Variants in CCDC148 observed in about 807,000 individuals in gnomAD.
CCDC148 encodes coiled-coil domain-containing protein 148.
Under a neutral mutation model 85.7 loss-of-function variants are expected in CCDC148, and 89 were observed. That is an observed-to-expected ratio of 1.04 (90% CI 0.87 to 1.24). The LOEUF (loss-of-function observed/expected upper bound fraction) is 1.24. Ranked by LOEUF, CCDC148 falls within the 50% of genes most tolerant of loss-of-function variation. The pLI, the probability that CCDC148 is intolerant of heterozygous loss-of-function variation, is 0.00. For missense variants in CCDC148, 692 were observed against 671.7 expected, an observed-to-expected ratio of 1.03 and a Z score of -0.33; for synonymous variants, 230 against 213.9, an observed-to-expected ratio of 1.08 and a Z score of -0.66.
intron 1 of CCDC148, among the ~76,000 whole-genome samples, chr2:158,443,868 A>G (rs538501499): frequency 6.6e-6 from 1 of 152,312 alleles, no homozygotes; most frequent in South Asian, 2.1e-4. Flanking sequence ...TGACTTTGAG[A>G]TCAGTGCTCT....
chr2:158,284,421 G>A (rs1180387472), intron 9 of CCDC148, among the ~76,000 whole-genome samples: 1 of 152,108 alleles, frequency 6.6e-6, no homozygotes, highest in African/African-American at 2.4e-5. Context: ...GGTGAGGAAC[G>A]AATGTGACAA....
chr2:158,439,936 A>G (rs1268644638), intron 1 of CCDC148, among the ~76,000 whole-genome samples: 2 of 152,070 alleles, frequency 1.3e-5, no homozygotes, highest in African/African-American at 4.8e-5. Flanking sequence ...TTATGGCTCA[A>G]TGTAGCCTCC....
chr2:158,451,556 C>T (rs956231302), intron 1 of CCDC148, among the ~76,000 whole-genome samples: 1 of 151,932 alleles, frequency 6.6e-6, no homozygotes, highest in Admixed American at 6.6e-5. Flanking sequence ...TATTTTCTTC[C>T]CATACCAATG....
rs112195313 is a variant in CCDC148 at position 158,219,850 on chromosome 2, C to T, written c.1370+745G>A. Among the ~76,000 whole-genome samples, 40 of 152,280 alleles carry T rather than the reference C, an allele frequency of 2.6e-4. 2 individuals carry two copies. Among genetic ancestry groups the T allele is most frequent in the African/African-American group, 8.9e-4 (37 of 41,558 alleles). On this transcript the variant is annotated intron_variant, in intron 11 of 13. Coordinates refer to ENST00000283233, the MANE Select transcript of CCDC148 (RefSeq NM_138803.4). ...GTGGAGAGGGCTCCTCAGTTCCAAACGTGTTTCTTCCAAGGGAACCCTCCT... is the reference window on the plus strand; with the variant it reads ...GTGGAGAGGGCTCCTCAGTTCCAAATGTGTTTCTTCCAAGGGAACCCTCCT...
chr2:158,359,177 T>C (rs767658488), intron 1 of CCDC148, among the ~76,000 whole-genome samples: 1 of 152,094 alleles, frequency 6.6e-6, no homozygotes, highest in Non-Finnish European at 1.5e-5. Flanking sequence ...AAAACATAAG[T>C]GAGGGTTACT....
intron 7 of CCDC148, among the ~76,000 whole-genome samples, chr2:158,333,535 G>C (rs375503128): frequency 6.6e-6 from 1 of 152,072 alleles, no homozygotes. Context: ...TATTAGGTCC[G>C]TTTGGTCCTG....
intron 10 of CCDC148, among the ~76,000 whole-genome samples, chr2:158,250,252 CA>C (rs1225426685): frequency 6.6e-6 from 1 of 151,888 alleles, no homozygotes; most frequent in African/African-American, 2.4e-5. Flanking sequence ...AATGTTTACT[CA>C]AAAGAGGAAT....
intron 9 of CCDC148, among the ~76,000 whole-genome samples, chr2:158,271,483 ATGCTGTATGCACTACC>A (rs1391151327): frequency 6.6e-6 from 1 of 152,160 alleles, no homozygotes; most frequent in Non-Finnish European, 1.5e-5. Context: ...TAGCACATCC[ATGCTGTATGCACTACC>A]TGCCCATTAG....
chr2:158,382,186 C>A (rs760948861), intron 1 of CCDC148, among the ~76,000 whole-genome samples: 7 of 152,156 alleles, frequency 4.6e-5, no homozygotes, highest in Non-Finnish European at 8.8e-5. Flanking sequence ...CAGGCTTGGA[C>A]TTCCCAGCCT....
rs140288514 is a variant in CCDC148 at position 158,194,280 on chromosome 2, A to G, written c.1371-15284T>C. Among the ~76,000 whole-genome samples the G allele has an allele frequency of 6.4e-3, 972 of 152,240 alleles. 5 individuals carry two copies. The highest frequency in any genetic ancestry group is 0.014 in the Middle Eastern group (4 of 294). ...ACAACAACATTAAAAATCAAAGACAAGACAAAACCAAGTAAAAGGAGTAGA... is the reference window on the plus strand; with the variant it reads ...ACAACAACATTAAAAATCAAAGACAGGACAAAACCAAGTAAAAGGAGTAGA... On this transcript the variant is annotated intron_variant, in intron 11 of 13. Transcript: ENST00000283233.
intron 11 of CCDC148, chr2:158,207,387 T>C (rs1413054856): frequency 6.6e-6 from 1 of 152,216 alleles, no homozygotes; most frequent in Non-Finnish European, 1.5e-5. Context: ...AAAGACAGAA[T>C]ATGCACATAA....
chr2:158,299,702 G>A (rs1691354930), intron 9 of CCDC148, among the ~76,000 whole-genome samples: 1 of 152,154 alleles, frequency 6.6e-6, no homozygotes, highest in Admixed American at 6.5e-5. Flanking sequence ...CCCTGGAACT[G>A]GAACTCAGAA....
At chr2:158,278,211 T>C (rs1368202972) in intron 9 of CCDC148, among the ~76,000 whole-genome samples, 1 of 151,948 alleles carries the variant, frequency 6.6e-6, no homozygotes, top group Non-Finnish European at 1.5e-5. Flanking sequence ...AGAAGACGGG[T>C]GATTTCTGCA....
intron 2 of CCDC148, among the ~76,000 whole-genome samples, chr2:158,350,062 A>C (rs942332674): frequency 2.0e-5 from 3 of 152,122 alleles, no homozygotes; most frequent in African/African-American, 7.2e-5. Context: ...TTCCACTATA[A>C]ACAAAAAGGT....
At chr2:158,281,966 G>A (rs9750948) in intron 9 of CCDC148, among the ~76,000 whole-genome samples, 2 of 151,826 alleles carry the variant, frequency 1.3e-5, no homozygotes, top group Non-Finnish European at 2.9e-5. Context: ...TGCAAGGCTG[G>A]TTCAATATAC....
intron 2 of CCDC148, among the ~76,000 whole-genome samples, chr2:158,350,276 G>T (rs1391639639): frequency 6.6e-6 from 1 of 152,064 alleles, no homozygotes; most frequent in Admixed American, 6.6e-5. Context: ...TCACCAAAGA[G>T]AAATTCACTT....
At chr2:158,343,672 A>G (rs1682854314) in intron 3 of CCDC148, among the ~76,000 whole-genome samples, 1 of 152,222 alleles carries the variant, frequency 6.6e-6, no homozygotes, top group Admixed American at 6.5e-5. Flanking sequence ...CTAAAGGTTG[A>G]CAAACACTGT....
intron 11 of CCDC148, among the ~76,000 whole-genome samples, chr2:158,194,683 T>C (rs1351419111): frequency 6.6e-6 from 1 of 152,128 alleles, no homozygotes; most frequent in African/African-American, 2.4e-5. Flanking sequence ...ATGGGAACTA[T>C]AGAAAACCCA....
intron 11 of CCDC148, among the ~76,000 whole-genome samples, chr2:158,217,374 G>GTATATATATATA (rs762560897): frequency 1.0e-5 from 1 of 98,526 alleles, no homozygotes; most frequent in East Asian, 3.2e-4. Flanking sequence ...GTGTGTGTGT[G>GTATATATATATA]TATATATATA....
Sources: gnomAD v4.1 joint callset for allele counts (sites outside exome capture counted in the v4.1 genomes callset) on GRCh38, gnomAD v4.1.1 for gene constraint, MANE v1.5 for transcripts, NCBI Gene and HGNC (gene_info 2026-07-23, HGNC 2026-07-21) for gene names.